The following RGS9 variants were observed in gnomAD, a reference collection of about 807,000 sequenced individuals.
RGS9 encodes regulator of G protein signaling 9, also known as regulator of G-protein signalling 9.
Under a neutral mutation model 102.0 loss-of-function variants are expected in RGS9, and 78 were observed. That is an observed-to-expected ratio of 0.76 (90% CI 0.64 to 0.92). RGS9 has a LOEUF of 0.92. Ranked by LOEUF, RGS9 falls within the 40% of genes least tolerant of loss-of-function variation. The probability of loss-of-function intolerance (pLI) is 0.00; values close to 1 mark genes in which losing one functional copy is unlikely to be tolerated. For missense variants in RGS9, 833 were observed against 866.1 expected (o/e 0.96, Z 0.48); for synonymous variants, 353 against 318.6 (o/e 1.11, Z -1.15).
At chr17:65,205,006 T>C (rs1912996319) in intron 15 of RGS9, among the ~76,000 whole-genome samples, 1 of 152,156 alleles carries the variant, frequency 6.6e-6, no homozygotes, top group African/African-American at 2.4e-5. Flanking sequence ...AGAGGCGTAG[T>C]GTCTAGGAGA....
chr17:65,171,056 C>A (rs1351100610), intron 8 of RGS9, among the ~76,000 whole-genome samples: 1 of 152,176 alleles, frequency 6.6e-6, no homozygotes, highest in East Asian at 1.9e-4. Context: ...AAAAGCCAGC[C>A]AAGGCAAACA....
Position 65,153,392 on chromosome 17 carries a change from C to T in RGS9, c.58-30C>T, listed in dbSNP as rs200101100. ...GCACAACTTTCAAAATTGTTCTCGTCAGTCGGCTTTTTCCTGTTCTGTCTT... is the reference window on the plus strand; with the variant it reads ...GCACAACTTTCAAAATTGTTCTCGTTAGTCGGCTTTTTCCTGTTCTGTCTT... On this transcript the variant is annotated intron_variant, in intron 1 of 18. Coordinates refer to ENST00000262406, the MANE Select transcript of RGS9 (RefSeq NM_003835.4). The T allele has an allele frequency of 1.6e-4, 252 of 1,583,530 alleles. No homozygotes were observed. The African/African-American group carries it at 3.0e-3, about 19-fold the overall frequency.
chr17:65,159,184 C>A (rs970973471), intron 3 of RGS9, among the ~76,000 whole-genome samples: 1 of 149,704 alleles, frequency 6.7e-6, no homozygotes, highest in African/African-American at 2.5e-5. Context: ...GAGAACAACC[C>A]CCCCTTTTTC....
rs761016561 is a variant in RGS9, at chr17:65,158,273, G to A, written c.155-22G>A. ...GTGTCAGGAGGCTATGACAATAACC[G>A]CAAATGTCTCTTGTTTTTCAGGAAG... On this transcript the variant is annotated intron_variant, in intron 2 of 18. Transcript: ENST00000262406. 12 of 1,613,254 alleles carry A rather than the reference G, an allele frequency of 7.4e-6. No individual in the cohort carries two copies. In the Admixed American group the frequency reaches 1.3e-4, roughly 18 times the overall value.
At chr17:65,171,030 G>T (rs549066227) in intron 8 of RGS9, among the ~76,000 whole-genome samples, 1 of 152,112 alleles carries the variant, frequency 6.6e-6, no homozygotes, top group Non-Finnish European at 1.5e-5. Flanking sequence ...CAAACAAACC[G>T]TCAGTTCAAT....
chr17:65,194,522 G>A (rs373070811), intron 12 of RGS9, among the ~76,000 whole-genome samples: 56 of 152,142 alleles, frequency 3.7e-4, no homozygotes, highest in Non-Finnish European at 5.7e-4. Context: ...TCTAATTAGC[G>A]TAAACTTAAG....
intron 17 of RGS9, among the ~76,000 whole-genome samples, chr17:65,222,053 T>A (rs753641790): frequency 1.3e-5 from 2 of 152,232 alleles, no homozygotes; most frequent in African/African-American, 2.4e-5. Flanking sequence ...TCTGGATGCT[T>A]CTAAGAAGAA....
chr17:65,162,034 G>A (rs1175881078), intron 6 of RGS9, among the ~76,000 whole-genome samples: 1 of 152,042 alleles, frequency 6.6e-6, no homozygotes, highest in Non-Finnish European at 1.5e-5. Context: ...TTTCAGAAAG[G>A]CCGGTTTATC....
At chr17:65,160,630 A>T (rs750842323) in intron 5 of RGS9, 43 bp downstream of exon 5, 5 of 1,597,644 alleles carry the variant, frequency 3.1e-6, no homozygotes, top group Non-Finnish European at 4.3e-6. Context: ...AGTGCTTAAC[A>T]TGCTGCTTAT....
intron 15 of RGS9, among the ~76,000 whole-genome samples, chr17:65,204,813 C>T (rs912332435): frequency 2.0e-5 from 3 of 152,190 alleles, no homozygotes; most frequent in East Asian, 1.9e-4. Flanking sequence ...GAACTTTATG[C>T]TCAAAGACAG....
At chr17:65,187,928 G>A (rs1291297647) in intron 9 of RGS9, among the ~76,000 whole-genome samples, 1 of 152,152 alleles carries the variant, frequency 6.6e-6, no homozygotes, top group East Asian at 1.9e-4. Flanking sequence ...CCCTGGAGGA[G>A]GAGGTTGCAG....
chr17:65,189,418 G>A (rs990357722), intron 10 of RGS9, 103 bp downstream of exon 10: 8 of 872,198 alleles, frequency 9.2e-6, no homozygotes, highest in Non-Finnish European at 1.4e-5. Flanking sequence ...TGAAAACCAC[G>A]TGCAATGTTC....
At chr17:65,137,772 AGGTTTTCGTG>A (rs1909965982) in intron 1 of RGS9, among the ~76,000 whole-genome samples, 175 bp downstream of exon 1, 1 of 152,210 alleles carries the variant, frequency 6.6e-6, no homozygotes. Context: ...TATAATAATT[AGGTTTTCGTG>A]TGCCCTGCCT....
chr17:65,145,484 G>A (rs1318329812), intron 1 of RGS9, among the ~76,000 whole-genome samples: 1 of 151,770 alleles, frequency 6.6e-6, no homozygotes, highest in Non-Finnish European at 1.5e-5. Flanking sequence ...TGCCTCCCGG[G>A]TTCAAGCGAT....
intron 17 of RGS9, among the ~76,000 whole-genome samples, chr17:65,219,818 C>T (rs1349902075): frequency 6.6e-6 from 1 of 152,080 alleles, no homozygotes; most frequent in Non-Finnish European, 1.5e-5. Flanking sequence ...ACCTTCATCG[C>T]CATCACTATC....
chr17:65,153,565 G>A (rs780328234), intron 2 of RGS9, 47 bp downstream of exon 2: 14 of 1,384,672 alleles, frequency 1.0e-5, no homozygotes, highest in Non-Finnish European at 1.3e-5. Context: ...GACCCCACAG[G>A]CCCAATACGG....
intron 13 of RGS9, among the ~76,000 whole-genome samples, chr17:65,197,914 G>A (rs1034678067): frequency 1.3e-5 from 2 of 152,076 alleles, no homozygotes; most frequent in Non-Finnish European, 2.9e-5. Context: ...CAGGTGATCT[G>A]CCCTCCCCAG....
intron 8 of RGS9, among the ~76,000 whole-genome samples, chr17:65,177,324 GCCAT>G (rs1247412110): frequency 9.3e-5 from 12 of 129,680 alleles, no homozygotes; most frequent in Non-Finnish European, 1.7e-4. Flanking sequence ...CATCTGTCTG[GCCAT>G]CCATCCATCC....
chr17:65,181,712 G>T (rs1252776702), intron 9 of RGS9, among the ~76,000 whole-genome samples: 1 of 152,228 alleles, frequency 6.6e-6, no homozygotes, highest in Non-Finnish European at 1.5e-5. Context: ...CTTGACATTG[G>T]CCTGAGCCCC....
Sources: allele counts gnomAD v4.1 joint callset (sites outside exome capture counted in the v4.1 genomes callset), GRCh38; gene constraint gnomAD v4.1.1; transcripts MANE v1.5; gene names NCBI Gene and HGNC (gene_info 2026-07-23, HGNC 2026-07-21).